DDX46: variants seen among roughly 807,000 people sequenced by gnomAD.
The protein encoded by DDX46 is probable ATP-dependent RNA helicase DDX46.
In DDX46, 30 loss-of-function variants were observed where a neutral mutation model predicts 134.9. The observed-to-expected ratio is 0.22, with a 90% CI of 0.17 to 0.30. The LOEUF is 0.30. Among genes scored for constraint, DDX46 ranks in the 10% least tolerant of loss-of-function variants. DDX46 has a pLI of 1.00. For missense variants in DDX46, 622 were observed against 1,248.7 expected (o/e 0.50, Z 7.56); for synonymous variants, 415 against 404.1 (o/e 1.03, Z -0.32).
intron 4 of DDX46, among the ~76,000 whole-genome samples, chr5:134,772,047 A>T (rs900680037): frequency 6.6e-6 from 1 of 151,762 alleles, no homozygotes; most frequent in Non-Finnish European, 1.5e-5. Flanking sequence ...CCTGACCAAC[A>T]TGGTAAAACC....
chr5:134,790,454 T>C lies in DDX46; in HGVS notation c.1544-16T>C, dbSNP rs1245404188. On this transcript the variant is annotated splice_polypyrimidine_tract_variant and intron_variant, in intron 12 of 22. Coordinates refer to ENST00000452510, the MANE Select transcript of DDX46 (RefSeq NM_001300860.2). ...TTTTAGTTTTCTTTTTGTCTTTATTTTTCTTTTCATCTTAGGTCGGGTCAC... is the reference window on the plus strand; with the variant it reads ...TTTTAGTTTTCTTTTTGTCTTTATTCTTCTTTTCATCTTAGGTCGGGTCAC... 6.3e-7 allele frequency: 1 copy of C among 1,595,428 alleles called. No individual in the cohort carries two copies. The highest frequency in any genetic ancestry group is 8.5e-7 in the Non-Finnish European group (1 of 1,174,582).
chr5:134,795,723 C>A (rs1381953827), intron 14 of DDX46, among the ~76,000 whole-genome samples: 1 of 152,110 alleles, frequency 6.6e-6, no homozygotes, highest in East Asian at 1.9e-4. Context: ...AGAAATGTTA[C>A]ATATCTATTT....
At chr5:134,804,990 C>T in intron 15 of DDX46, 1 of 380,018 alleles carries the variant, frequency 2.6e-6, no homozygotes, top group Non-Finnish European at 5.2e-6. Context: ...TGGGCACATG[C>T]CACCTGCAGA....
intron 16 of DDX46, among the ~76,000 whole-genome samples, chr5:134,808,242 T>C (rs1354689735): frequency 6.6e-6 from 1 of 152,186 alleles, no homozygotes; most frequent in Non-Finnish European, 1.5e-5. Flanking sequence ...ATGATGGGGT[T>C]ACAATGTCCC....
chr5:134,774,044 T>TA (rs1753858113), intron 5 of DDX46, among the ~76,000 whole-genome samples, 183 bp downstream of exon 5: 1 of 152,252 alleles, frequency 6.6e-6, no homozygotes, highest in Non-Finnish European at 1.5e-5. Context: ...GTGCAGTCGT[T>TA]ACCACTGTCT....
At chr5:134,797,927 C>T (rs1227360588) in intron 15 of DDX46, among the ~76,000 whole-genome samples, 1 of 151,988 alleles carries the variant, frequency 6.6e-6, no homozygotes, top group East Asian at 1.9e-4. Flanking sequence ...ATTCTCCTGC[C>T]TCAGCCTCCC....
chr5:134,817,454 C>T, intron 19 of DDX46, 42 bp from the exon 20 acceptor site: 1 of 1,587,028 alleles, frequency 6.3e-7, no homozygotes, highest in Non-Finnish European at 8.6e-7. Context: ...ACTCTTGTCT[C>T]TGCCCTCATT....
intron 22 of DDX46, among the ~76,000 whole-genome samples, chr5:134,827,952 A>T (rs1755634778): frequency 6.6e-6 from 1 of 152,210 alleles, no homozygotes; most frequent in African/African-American, 2.4e-5. Context: ...AAGAGGTTAC[A>T]TCAATTCACA....
intron 18 of DDX46, among the ~76,000 whole-genome samples, chr5:134,815,083 T>C (rs1274826018): frequency 6.6e-6 from 1 of 152,138 alleles, no homozygotes; most frequent in African/African-American, 2.4e-5. Flanking sequence ...CCCATCTCTA[T>C]AAAAAGGTTT....
At chr5:134,822,236 C>T (rs1001295386) in intron 21 of DDX46, among the ~76,000 whole-genome samples, 2 of 152,070 alleles carry the variant, frequency 1.3e-5, no homozygotes, top group African/African-American at 2.4e-5. Flanking sequence ...TTCATAACAA[C>T]GTAGTTCAAT....
intron 15 of DDX46, chr5:134,804,892 C>A: frequency 5.4e-6 from 2 of 368,338 alleles, no homozygotes; most frequent in South Asian, 4.9e-5. Flanking sequence ...CATGGAACCA[C>A]CATAGGCTCT....
At chr5:134,800,038 C>T (rs769977510) in intron 15 of DDX46, among the ~76,000 whole-genome samples, 13 of 152,122 alleles carry the variant, frequency 8.5e-5, no homozygotes, top group Non-Finnish European at 1.8e-4. Context: ...ACCTCCACCT[C>T]CCAGGTTCAA....
At chr5:134,769,712 A>C (rs1210666283) in intron 3 of DDX46, among the ~76,000 whole-genome samples, 1 of 151,182 alleles carries the variant, frequency 6.6e-6, no homozygotes, top group East Asian at 1.9e-4. Context: ...AAGCCCGGCT[A>C]ATTTTTGTAC....
chr5:134,761,047 A>T (rs1248812613), intron 1 of DDX46, among the ~76,000 whole-genome samples: 1 of 150,964 alleles, frequency 6.6e-6, no homozygotes, highest in African/African-American at 2.4e-5. Flanking sequence ...TGTTTTTGAG[A>T]CAGGGACTTG....
chr5:134,772,548 G>A (rs533260483), intron 4 of DDX46, among the ~76,000 whole-genome samples: 15 of 152,088 alleles, frequency 9.9e-5, no homozygotes, highest in Middle Eastern at 3.4e-3. Flanking sequence ...TAAGAATTTA[G>A]ACATGAGGCC....
intron 11 of DDX46, among the ~76,000 whole-genome samples, chr5:134,786,846 G>T (rs576406706): frequency 8.2e-4 from 124 of 152,140 alleles, no homozygotes; most frequent in Non-Finnish European, 1.4e-3. Flanking sequence ...CTCCATCTTG[G>T]GGGGTGGCGG....
chr5:134,790,260 A>G, intron 12 of DDX46: 1 of 631,498 alleles, frequency 1.6e-6, no homozygotes, highest in Non-Finnish European at 2.9e-6. Flanking sequence ...AAAGGGCCTC[A>G]TATACCCATT....
At chr5:134,767,168 C>A in intron 3 of DDX46, 108 bp downstream of exon 3, 1 of 1,357,332 alleles carries the variant, frequency 7.4e-7, no homozygotes, top group South Asian at 1.6e-5. Flanking sequence ...GAATTAACTG[C>A]ATTTGGCTCC....
intron 1 of DDX46, among the ~76,000 whole-genome samples, chr5:134,762,810 A>G (rs1041815542): frequency 6.6e-6 from 1 of 152,156 alleles, no homozygotes; most frequent in African/African-American, 2.4e-5. Context: ...TAATCCCAGC[A>G]CTTTGGGAGG....
Sources: gnomAD v4.1 joint callset for allele counts (sites outside exome capture counted in the v4.1 genomes callset) on GRCh38, gnomAD v4.1.1 for gene constraint, MANE v1.5 for transcripts, NCBI Gene and HGNC (gene_info 2026-07-23, HGNC 2026-07-21) for gene names.